ABTB2: variants seen among roughly 807,000 people sequenced by gnomAD.
The protein encoded by ABTB2 is ankyrin repeat and BTB/POZ domain-containing protein 2.
Under a neutral mutation model 104.1 loss-of-function variants are expected in ABTB2, and 56 were observed. That is an observed-to-expected ratio of 0.54 (90% CI 0.43 to 0.67). The LOEUF is 0.67. Among genes scored for constraint, ABTB2 ranks in the 30% least tolerant of loss-of-function variants. The pLI is 0.00. For missense variants in ABTB2, 1,279 were observed against 1,407.7 expected, an observed-to-expected ratio of 0.91 and a Z score of 1.46; for synonymous variants, 606 against 608.2, an observed-to-expected ratio of 1.00 and a Z score of 0.05.
intron 1 of ABTB2, among the ~76,000 whole-genome samples, chr11:34,286,987 G>A (rs1243974134): frequency 6.6e-6 from 1 of 152,136 alleles, no homozygotes; most frequent in Admixed American, 6.5e-5. Flanking sequence ...GAGCTCTGGA[G>A]GGATGGAACT....
chr11:34,196,229 A>G (rs1049676340), intron 3 of ABTB2, among the ~76,000 whole-genome samples: 1 of 152,218 alleles, frequency 6.6e-6, no homozygotes, highest in African/African-American at 2.4e-5. Context: ...GAAAATTTCA[A>G]AAGGCAGCCC....
intron 3 of ABTB2, among the ~76,000 whole-genome samples, chr11:34,189,682 C>T: frequency 6.6e-6 from 1 of 152,158 alleles, no homozygotes; most frequent in East Asian, 1.9e-4. Flanking sequence ...TCTGAAACAA[C>T]AAAAGTCCTT....
rs771615972 is a variant in ABTB2, at chr11:34,162,678, G to C, written c.2116C>G (p.Pro706Ala). Residue 706 changes from proline (P) to alanine (A), a missense_variant, in exon 10 of 17, where the codon CCC becomes GCC. Transcript: ENST00000435224. ...ASSQGSGSEG[P>A]VRLSRTRTKA... The stretch of plus-strand genomic sequence containing the variant: ...GTGCGGGTCCGGCTCAGCCGCACGG[G>C]CCCCTCGCTGCCACTGCCCTGGCTC... 2.5e-6 allele frequency: 4 copies of C among 1,613,056 alleles called. No individual in the cohort carries two copies. Among genetic ancestry groups the C allele is most frequent in the Non-Finnish European group, 3.4e-6 (4 of 1,180,018 alleles).
intron 1 of ABTB2, among the ~76,000 whole-genome samples, chr11:34,250,887 A>G (rs1052378843): frequency 3.9e-5 from 6 of 152,210 alleles, no homozygotes; most frequent in Non-Finnish European, 7.3e-5. Flanking sequence ...CATCATTGCC[A>G]TTTTACATAT....
chr11:34,351,478 A>T (rs932553986), intron 1 of ABTB2, among the ~76,000 whole-genome samples: 1 of 152,186 alleles, frequency 6.6e-6, no homozygotes, highest in Admixed American at 6.5e-5. Context: ...CATCTTGCAC[A>T]TCAAAGCCAG....
chr11:34,343,026 G>A (rs537088089), intron 1 of ABTB2, among the ~76,000 whole-genome samples: 2 of 151,980 alleles, frequency 1.3e-5, no homozygotes, highest in African/African-American at 4.8e-5. Context: ...CTGGAGGGCA[G>A]TGGTGCGATC....
At chr11:34,213,428 C>T (rs984585862) in intron 1 of ABTB2, among the ~76,000 whole-genome samples, 3 of 152,126 alleles carry the variant, frequency 2.0e-5, no homozygotes, top group South Asian at 2.1e-4. Flanking sequence ...TGCAGTGAGC[C>T]GAGATCGCTG....
chr11:34,340,419 C>T (rs575627494), intron 1 of ABTB2, among the ~76,000 whole-genome samples: 22 of 152,238 alleles, frequency 1.4e-4, no homozygotes, highest in Non-Finnish European at 2.8e-4. Flanking sequence ...AGTATAATCG[C>T]CATTTCGCAG....
At position 34,152,114 on chromosome 11, in the gene ABTB2, C is replaced by A. The variant is rs2982609; in HGVS notation, c.*273G>T. 458,670 of 460,210 alleles carry A rather than the reference C, an allele frequency of 1. 228,584 individuals carry two copies. The highest frequency in any genetic ancestry group is 1 in the East Asian group (23,740 of 23,740). The allele number at this position is 460,210 out of a possible 1,614,324, so 28.5% of individuals were successfully genotyped here. A position where few individuals can be genotyped will look rare whatever the true frequency, so the allele number is the denominator to read the frequency against. On this transcript the variant is annotated 3_prime_UTR_variant, in exon 17 of 17. Coordinates refer to ENST00000435224, the MANE Select transcript of ABTB2 (RefSeq NM_145804.3). ...CCTGCAGGAGGGGAGAGCGACACCC[C>A]GGGGGAGTGCATGGCTGCCCTTGAG...
chr11:34,220,763 A>G (rs1021495371), intron 1 of ABTB2, among the ~76,000 whole-genome samples: 32 of 152,286 alleles, frequency 2.1e-4, no homozygotes, highest in African/African-American at 5.8e-4. Context: ...TGGTCTATCA[A>G]TTTGCTAGGG....
chr11:34,195,075 C>CGGGGGGGGGGGGGGGGGGGGGG (rs1461939590), intron 3 of ABTB2, among the ~76,000 whole-genome samples: 3 of 18,076 alleles, frequency 1.7e-4, no homozygotes, highest in Non-Finnish European at 4.0e-4. Flanking sequence ...AGATGCCCGG[C>CGGGGGGGGGGGGGGGGGGGGGG]GGGGGGGGGG....
rs946797986 is a variant in ABTB2 at position 34,290,594 on chromosome 11, C to T, written c.883+66107G>A. Among the ~76,000 whole-genome samples the T allele has an allele frequency of 5.3e-5, 8 of 152,278 alleles. No homozygotes were observed. The South Asian group carries it at 1.2e-3, about 24-fold the overall frequency. ...TGTGGCTCACACCTGTAAATCCCAG[C>T]ACTTCAGGAAGCTGAGGTGGGAGGA... On this transcript the variant is annotated intron_variant, in intron 1 of 16. Transcript: ENST00000435224.
rs376925320 is a variant in ABTB2 at position 34,235,125 on chromosome 11, T to C, written c.884-30435A>G. ...ATCCGCCTGCCTTAGCCACCCAAAG[T>C]GCTGGGATTACAGGCGTGAGCCACC... On this transcript the variant is annotated intron_variant, in intron 1 of 16. Transcript: ENST00000435224. 2.7e-4 allele frequency among the ~76,000 whole-genome samples: 41 copies of C among 152,248 alleles called. 2 individuals carry two copies. In the East Asian group the frequency reaches 7.0e-3, roughly 26 times the overall value.
Position 34,314,914 on chromosome 11 carries a change from G to A in ABTB2, c.883+41787C>T, listed in dbSNP as rs76635116. On this transcript the variant is annotated intron_variant, in intron 1 of 16. Transcript: ENST00000435224. ...GTTCTGAGAGGCTGAGGGTGATGCC[G>A]CACTTACAAGGTACAGTCAGCCCCT... 7.5e-3 allele frequency among the ~76,000 whole-genome samples: 1,144 copies of A among 152,258 alleles called. 13 individuals are homozygous for A. Among genetic ancestry groups the A allele is most frequent in the African/African-American group, 0.023 (967 of 41,536 alleles).
chr11:34,167,290 G>C lies in ABTB2; in HGVS notation c.1724C>G (p.Ala575Gly), dbSNP rs757405556. 6.2e-7 allele frequency: 1 copy of C among 1,613,194 alleles called. No individual in the cohort carries two copies. Among genetic ancestry groups the C allele is most frequent in the Non-Finnish European group, 8.5e-7 (1 of 1,179,570 alleles). ...CACAGAGATGTGTCCATGCAGCACAGCGAATGTCAGTGAGGTCCAGTGCCG... is the reference window on the plus strand; with the variant it reads ...CACAGAGATGTGTCCATGCAGCACACCGAATGTCAGTGAGGTCCAGTGCCG... ...DSRHWTSLTF[A>G]VLHGHISVVQ... The change falls in exon 7 of 17, where the codon GCT becomes GGT. Residue 575 changes from alanine (A) to glycine (G), a missense_variant. Transcript: ENST00000435224.
chr11:34,284,264 C>A (rs1263084129), intron 1 of ABTB2, among the ~76,000 whole-genome samples: 1 of 152,222 alleles, frequency 6.6e-6, no homozygotes, highest in South Asian at 2.1e-4. Flanking sequence ...GATGGCTCAG[C>A]TTTGGGAAAC....
At chr11:34,209,492 C>T (rs1853449170) in intron 1 of ABTB2, among the ~76,000 whole-genome samples, 1 of 133,548 alleles carries the variant, frequency 7.5e-6, no homozygotes, top group Non-Finnish European at 1.6e-5. Flanking sequence ...ACCCTGTGCA[C>T]ACCTGATCCT....
chr11:34,271,575 C>A (rs1177522835), intron 1 of ABTB2, among the ~76,000 whole-genome samples: 1 of 152,096 alleles, frequency 6.6e-6, no homozygotes, highest in Middle Eastern at 3.2e-3. Context: ...TCCACCTCTA[C>A]AAAAAATAAT....
At chr11:34,185,251 T>C (rs571308311) in intron 3 of ABTB2, among the ~76,000 whole-genome samples, 1 of 152,338 alleles carries the variant, frequency 6.6e-6, no homozygotes, top group Admixed American at 6.5e-5. Context: ...AGTGAAATTC[T>C]TGACTGGCAA....
Sources: gnomAD v4.1 joint callset for allele counts (sites outside exome capture counted in the v4.1 genomes callset) on GRCh38, gnomAD v4.1.1 for gene constraint, MANE v1.5 for transcripts, NCBI Gene and HGNC (gene_info 2026-07-23, HGNC 2026-07-21) for gene names.